The following ARL9 variants were observed in gnomAD, a reference collection of about 807,000 sequenced individuals.
The protein encoded by ARL9 is ARF like GTPase 9, also known as ADP-ribosylation factor-like protein 9.
Under a neutral mutation model 27.0 loss-of-function variants are expected in ARL9, and 14 were observed. The observed-to-expected ratio is 0.52, with a 90% confidence interval of 0.34 to 0.81. ARL9 has a LOEUF of 0.81. Among genes scored for constraint, ARL9 ranks in the 30% least tolerant of loss-of-function variants. The pLI is 0.01. For missense variants in ARL9, 294 were observed against 290.0 expected (o/e 1.01, Z -0.10); for synonymous variants, 106 against 108.7 (o/e 0.98, Z 0.15).
At chr4:56,506,892 G>T (rs1336845321) in intron 1 of ARL9, among the ~76,000 whole-genome samples, 1 of 151,246 alleles carries the variant, frequency 6.6e-6, no homozygotes, top group Admixed American at 6.6e-5. Flanking sequence ...TCCCACCTCA[G>T]CCTGGCACCG....
chr4:56,521,993 C>CTT (rs111319999), intron 3 of ARL9, among the ~76,000 whole-genome samples: 24 of 143,692 alleles, frequency 1.7e-4, no homozygotes, highest in African/African-American at 5.8e-4. Flanking sequence ...CTTTTCTTTT[C>CTT]TTTTTTTTTT....
Sources: gnomAD v4.1 joint callset for allele counts (sites outside exome capture counted in the v4.1 genomes callset) on GRCh38, gnomAD v4.1.1 for gene constraint, MANE v1.5 for transcripts, NCBI Gene and HGNC (gene_info 2026-07-23, HGNC 2026-07-21) for gene names.